The following DCAF7 variants were observed in gnomAD, a reference collection of about 807,000 sequenced individuals.
DCAF7 encodes the protein DDB1- and CUL4-associated factor 7.
In DCAF7, 4 loss-of-function variants were observed where a neutral mutation model predicts 41.2. That is an observed-to-expected ratio of 0.10 (90% CI 0.05 to 0.22). The LOEUF (loss-of-function observed/expected upper bound fraction) is 0.22, where lower values mean the gene tolerates loss of function less well. Ranked by LOEUF, DCAF7 falls within the 10% of genes least tolerant of loss-of-function variation. The pLI, the probability that DCAF7 is intolerant of heterozygous loss-of-function variation, is 1.00. For synonymous variants in DCAF7, 143 were observed against 164.2 expected, an observed-to-expected ratio of 0.87 and a Z score of 0.99; for missense variants, 131 against 443.2, an observed-to-expected ratio of 0.30 and a Z score of 6.32.
intron 1 of DCAF7, among the ~76,000 whole-genome samples, chr17:63,559,408 T>C (rs1402783911): frequency 1.9e-5 from 2 of 105,832 alleles, no homozygotes; most frequent in Admixed American, 9.2e-5. Context: ...TGTATATATA[T>C]GTATATATAT....
At chr17:63,563,602 G>A (rs1222937895) in intron 1 of DCAF7, among the ~76,000 whole-genome samples, 2 of 152,124 alleles carry the variant, frequency 1.3e-5, no homozygotes, top group Admixed American at 6.6e-5. Flanking sequence ...GAGCTCAAGA[G>A]TTTGAAATCA....
chr17:63,585,814 C>T (rs2033670574), intron 6 of DCAF7, among the ~76,000 whole-genome samples: 1 of 152,140 alleles, frequency 6.6e-6, no homozygotes, highest in Admixed American at 6.6e-5. Flanking sequence ...TCACTGTTTC[C>T]CAGACCAAAG....
chr17:63,586,794 A>G (rs553674644), intron 6 of DCAF7, among the ~76,000 whole-genome samples: 4 of 152,264 alleles, frequency 2.6e-5, no homozygotes, highest in African/African-American at 7.2e-5. Flanking sequence ...CTGGTTGTCA[A>G]TGCACTTTTA....
Position 63,550,656 on chromosome 17 carries a change from G to A in DCAF7, c.-22G>A. ...CCGCAGCCCACTGTTGACCCGGCCC[G>A]TACTGCGGCCCCGTGGCCACCATGT... is the stretch of plus-strand genomic sequence containing the variant. On this transcript the variant is annotated 5_prime_UTR_variant, in exon 1 of 7. Coordinates refer to ENST00000614556, the MANE Select transcript of DCAF7 (RefSeq NM_005828.5). This position sits in a 1 kb window ranked among gnomAD's most constrained non-coding sequence, Gnocchi z 4.8. The A allele has an allele frequency of 6.2e-7, 1 of 1,612,008 alleles. No homozygotes were observed. The highest frequency in any genetic ancestry group is 8.5e-7 in the Non-Finnish European group (1 of 1,179,314).
chr17:63,559,418 T>C (rs2033353886), intron 1 of DCAF7, among the ~76,000 whole-genome samples: 1 of 96,192 alleles, frequency 1.0e-5, no homozygotes, highest in Non-Finnish European at 1.8e-5. Context: ...TGTATATATA[T>C]ACGTATATAT....
At chr17:63,559,003 T>C (rs1340991878) in intron 1 of DCAF7, among the ~76,000 whole-genome samples, 3 of 151,794 alleles carry the variant, frequency 2.0e-5, no homozygotes, top group Non-Finnish European at 2.9e-5. Context: ...CTAAAGGTGA[T>C]AGGAAATGAA....
intron 1 of DCAF7, among the ~76,000 whole-genome samples, chr17:63,573,644 C>T (rs1356807146): frequency 4.6e-5 from 7 of 151,542 alleles, no homozygotes; most frequent in South Asian, 2.1e-4. Context: ...GCAGGAGAAT[C>T]GCTTAAACCT....
chr17:63,564,136 T>TACACACACACACGCAC (rs2033414788), intron 1 of DCAF7, among the ~76,000 whole-genome samples: 1 of 147,972 alleles, frequency 6.8e-6, no homozygotes, highest in Non-Finnish European at 1.5e-5. Context: ...GTTAACTTTA[T>TACACACACACACGCAC]ACACACACAC....
intron 1 of DCAF7, among the ~76,000 whole-genome samples, chr17:63,574,748 G>A (rs768134960): frequency 6.6e-6 from 1 of 152,158 alleles, no homozygotes; most frequent in Admixed American, 6.6e-5. Flanking sequence ...CAGAGTGGGT[G>A]GATCACTTGA....
At chr17:63,571,343 G>A (rs1483630302) in intron 1 of DCAF7, among the ~76,000 whole-genome samples, 1 of 152,082 alleles carries the variant, frequency 6.6e-6, no homozygotes, top group East Asian at 1.9e-4. Flanking sequence ...TGGTATAGAG[G>A]GATGGGGTGG....
chr17:63,587,326 C>CT (rs58017577), intron 6 of DCAF7, among the ~76,000 whole-genome samples: 348 of 144,106 alleles, frequency 2.4e-3, no homozygotes, highest in East Asian at 4.4e-3. Context: ...TTATTGCCCT[C>CT]TTTTTTTTTT....
chr17:63,551,893 A>G (rs1287785591), intron 1 of DCAF7, among the ~76,000 whole-genome samples: 1 of 25,844 alleles, frequency 3.9e-5, no homozygotes, highest in Non-Finnish European at 7.0e-5. Context: ...CTAAAATACA[A>G]AAAAAAAAAA....
chr17:63,570,451 CAAAAAAAAAG>C (rs1302031945), intron 1 of DCAF7, among the ~76,000 whole-genome samples: 1 of 145,934 alleles, frequency 6.9e-6, no homozygotes, highest in Non-Finnish European at 1.5e-5. Context: ...GACTCCGTCT[CAAAAAAAAAG>C]AAAAAAAAAG....
chr17:63,580,945 T>C (rs2033616416), intron 4 of DCAF7, among the ~76,000 whole-genome samples: 2 of 152,232 alleles, frequency 1.3e-5, no homozygotes, highest in South Asian at 4.1e-4. Flanking sequence ...TCCTGTTCTT[T>C]TCTACCTTAC....
In DCAF7 at chr17:63,578,709, C is replaced by CA. The variant is rs891640120; in HGVS notation, c.297+82dup. On this transcript the variant is annotated intron_variant, in intron 2 of 6. Coordinates refer to ENST00000614556, the MANE Select transcript of DCAF7 (RefSeq NM_005828.5). Reference sequence around the variant, plus strand: ...TAGCAGTGAAAAGTCACAGAACAGACAGGGGTCAGAGGCAGCGAGTGTCAT... The same window carrying CA: ...TAGCAGTGAAAAGTCACAGAACAGACAAGGGGTCAGAGGCAGCGAGTGTCAT... The CA allele has an allele frequency of 1.9e-6, 3 of 1,585,568 alleles. No homozygotes were observed. In the African/African-American group the frequency reaches 4.0e-5, roughly 21 times the overall value.
chr17:63,588,720 CATT>C (rs1300589908), intron 6 of DCAF7, among the ~76,000 whole-genome samples: 1 of 152,124 alleles, frequency 6.6e-6, no homozygotes, highest in African/African-American at 2.4e-5. Context: ...GAGAAGGACT[CATT>C]AGTGCAGTGG....
intron 1 of DCAF7, among the ~76,000 whole-genome samples, chr17:63,567,331 A>G (rs1033244978): frequency 9.9e-5 from 15 of 152,212 alleles, no homozygotes; most frequent in African/African-American, 3.1e-4. Flanking sequence ...GAACAACATG[A>G]GAGCCAATTG....
chr17:63,582,810 C>A (rs1048701746), intron 4 of DCAF7, among the ~76,000 whole-genome samples: 3 of 152,164 alleles, frequency 2.0e-5, no homozygotes, highest in Non-Finnish European at 4.4e-5. Context: ...GCCTCTGTTT[C>A]CTCATAGACG....
At position 63,561,736 on chromosome 17, in the gene DCAF7, TTATAAG is replaced by T. The variant is rs201879184; in HGVS notation, c.138+10926_138+10931del. Among the ~76,000 whole-genome samples, 1,248 of 152,158 alleles carry T rather than the reference TTATAAG, an allele frequency of 8.2e-3. 20 individuals are homozygous for T. The highest frequency in any genetic ancestry group is 0.028 in the African/African-American group (1,169 of 41,504). The stretch of plus-strand genomic sequence containing the variant: ...CCCCATCTCGAAAGAAGAAAATGTG[TTATAAG>T]TATAGAGAGCTTTGCATTCAACGGA... On this transcript the variant is annotated intron_variant, in intron 1 of 6. Transcript: ENST00000614556.
Sources: gnomAD v4.1 joint callset for allele counts (sites outside exome capture counted in the v4.1 genomes callset) on GRCh38, gnomAD v4.1.1 for gene constraint, Gnocchi (gnomAD v3.1) non-coding constraint, MANE v1.5 for transcripts, NCBI Gene and HGNC (gene_info 2026-07-23, HGNC 2026-07-21) for gene names.